Variants in NCBP2 observed in about 807,000 individuals in gnomAD.
The protein encoded by NCBP2 is nuclear cap binding protein subunit 2, also known as nuclear cap-binding protein subunit 2.
In NCBP2, 8 loss-of-function variants were observed where a neutral mutation model predicts 21.5. The ratio of observed to expected loss-of-function variants is 0.37; its 90% confidence interval spans 0.22 to 0.67. The LOEUF is 0.67. Among genes scored for constraint, NCBP2 ranks in the 30% least tolerant of loss-of-function variants. The probability of loss-of-function intolerance (pLI) is 0.56; values close to 1 mark genes in which losing one functional copy is unlikely to be tolerated. For missense variants in NCBP2, 127 were observed against 206.9 expected, an observed-to-expected ratio of 0.61 and a Z score of 2.37; for synonymous variants, 92 against 75.8, an observed-to-expected ratio of 1.21 and a Z score of -1.11.
chr3:196,936,764 A>G lies in NCBP2; in HGVS notation c.*247T>C. 1 of 560,766 alleles carries G rather than the reference A, an allele frequency of 1.8e-6. No homozygotes were observed. Among genetic ancestry groups the G allele is most frequent in the Non-Finnish European group, 3.2e-6 (1 of 312,822 alleles). 34.7% of individuals were successfully genotyped at this position (560,766 alleles called of 1,614,324 possible). ...AACATTACAGATCCAATCTGTTGTC[A>G]AAGAACACAATTTCTGACCTGGTAA... On this transcript the variant is annotated 3_prime_UTR_variant, in exon 4 of 4. Coordinates refer to ENST00000321256, the MANE Select transcript of NCBP2 (RefSeq NM_007362.5).
intron 2 of NCBP2, chr3:196,937,873 C>T (rs41292037): frequency 0.018 from 9,618 of 543,648 alleles, 133 homozygotes; most frequent in Non-Finnish European, 0.026. Context: ...CTTGGACATT[C>T]CTGTTGATAA....
intron 2 of NCBP2, 30 bp downstream of exon 2, chr3:196,939,221 G>A (rs1716412907): frequency 6.3e-7 from 1 of 1,596,382 alleles, no homozygotes. Flanking sequence ...CCCTGGTTCA[G>A]CAGCTACATT....
intron 1 of NCBP2, chr3:196,941,859 G>C: frequency 6.6e-7 from 1 of 1,504,606 alleles, no homozygotes; most frequent in Non-Finnish European, 8.9e-7. Context: ...AAAGTGCCGA[G>C]CTTGGCGGGT....
Position 196,942,467 on chromosome 3 carries a change from A to T in NCBP2, c.37T>A (p.Ser13Thr). ...CGGTACTGGCTCAGCTCCACGTAGGAGTCGCTGCGCAGCGCCTTCAGGAGG... is the reference window on the plus strand; with the variant it reads ...CGGTACTGGCTCAGCTCCACGTAGGTGTCGCTGCGCAGCGCCTTCAGGAGG... ...GGLLKALRSD[S>T]YVELSQYRDQ... Residue 13 changes from serine to threonine, a missense_variant, in exon 1 of 4, where the codon TCC becomes ACC. Transcript: ENST00000321256. The T allele has an allele frequency of 6.2e-7, 1 of 1,613,220 alleles. No individual in the cohort carries two copies. Among genetic ancestry groups the T allele is most frequent in the Non-Finnish European group, 8.5e-7 (1 of 1,179,924 alleles).
chr3:196,937,071 C>T lies in NCBP2; in HGVS notation c.411G>A (p.Glu137=). ...TCCCAGCATCGTAGTCCTGCCGATA[C>T]TCATCCCGAACCTTTAATGGAAAGA... is the stretch of plus-strand genomic sequence containing the variant. ...RGRSGGQVRD[E]YRQDYDAGRG... Residue 137 remains glutamate (E), a synonymous_variant, in exon 4 of 4, where the codon GAG becomes GAA. Coordinates refer to ENST00000321256, the MANE Select transcript of NCBP2 (RefSeq NM_007362.5). 6.2e-7 allele frequency: 1 copy of T among 1,614,168 alleles called. No individual in the cohort carries two copies.
chr3:196,941,857 G>A (rs1202869071), intron 1 of NCBP2: 3 of 1,502,200 alleles, frequency 2.0e-6, no homozygotes, highest in East Asian at 2.5e-5. Flanking sequence ...TCAAAGTGCC[G>A]AGCTTGGCGG....
chr3:196,937,286 G>T, intron 3 of NCBP2: 1 of 774,256 alleles, frequency 1.3e-6, no homozygotes, highest in Non-Finnish European at 2.1e-6. Flanking sequence ...CCTAGCCCTA[G>T]CAGAAGTTCA....
chr3:196,941,922 G>C, intron 1 of NCBP2: 2 of 1,536,234 alleles, frequency 1.3e-6, no homozygotes, highest in Non-Finnish European at 1.7e-6. Context: ...CTCCACTTGT[G>C]TCTCCCACGC....
chr3:196,942,393 G>T (rs1425963656), intron 1 of NCBP2, 33 bp downstream of exon 1: 3 of 1,606,444 alleles, frequency 1.9e-6, no homozygotes, highest in Non-Finnish European at 2.5e-6. Flanking sequence ...TCTTGCCCAG[G>T]GCCTTCCCGT....
rs1055591847 is a variant in NCBP2, at chr3:196,942,212, G to T, written c.78+214C>A. On this transcript the variant is annotated intron_variant, in intron 1 of 3. Coordinates refer to ENST00000321256, the MANE Select transcript of NCBP2 (RefSeq NM_007362.5). ...GCGGCTGCGAGCGAATGGGATAAGC[G>T]AGCCTCCAGTTCCCCGTCTTCCAGA... is the stretch of plus-strand genomic sequence containing the variant. The T allele has an allele frequency of 3.2e-5, 46 of 1,459,370 alleles. No individual in the cohort carries two copies. The Admixed American group carries it at 9.5e-4, about 30-fold the overall frequency. The allele number at this position is 1,459,370 out of a possible 1,614,324, so 90.4% of individuals were successfully genotyped here.
chr3:196,942,313 C>T, intron 1 of NCBP2, 113 bp downstream of exon 1: 2 of 1,532,450 alleles, frequency 1.3e-6, no homozygotes, highest in Non-Finnish European at 1.8e-6. Flanking sequence ...CGGGGCCCCA[C>T]TTGGCGTTTG....
chr3:196,938,794 A>G (rs548942901), intron 2 of NCBP2: 22 of 153,402 alleles, frequency 1.4e-4, no homozygotes, highest in African/African-American at 5.3e-4. Context: ...CCAGCTGTAC[A>G]GCTATTTTAA....
intron 1 of NCBP2, chr3:196,941,964 C>T: frequency 2.6e-6 from 4 of 1,536,368 alleles, no homozygotes; most frequent in Non-Finnish European, 2.6e-6. Context: ...ACCATCCTCC[C>T]AGAGAAGGGG....
rs1450040685 is a variant in NCBP2, at chr3:196,935,458, AC to A, written c.*1552del. Reference sequence around the variant, plus strand: ...TATTACAGAAGACAATCCGAATAAAACCACTGTCTCCTGTAGAAATCTGAGT... The same window carrying A: ...TATTACAGAAGACAATCCGAATAAAACACTGTCTCCTGTAGAAATCTGAGT... On this transcript the variant is annotated 3_prime_UTR_variant, in exon 4 of 4. Coordinates refer to ENST00000321256, the MANE Select transcript of NCBP2 (RefSeq NM_007362.5). The A allele has an allele frequency of 2.0e-5, 3 of 152,212 alleles. No homozygotes were observed. The highest frequency in any genetic ancestry group is 7.2e-5 in the African/African-American group (3 of 41,464). 9.4% of individuals were successfully genotyped at this position (152,212 alleles called of 1,614,324 possible).
chr3:196,937,930 C>T (rs765162756), intron 2 of NCBP2: 10 of 390,848 alleles, frequency 2.6e-5, no homozygotes, highest in Non-Finnish European at 4.8e-5. Flanking sequence ...GTTTAGATCA[C>T]TGTACACTTC....
chr3:196,940,627 C>T (rs1026239181), intron 1 of NCBP2, among the ~76,000 whole-genome samples: 5 of 152,142 alleles, frequency 3.3e-5, no homozygotes, highest in Non-Finnish European at 7.3e-5. Context: ...TCACAGAATG[C>T]TAGAAATTCC....
At chr3:196,937,476 G>C (rs757750741) in intron 3 of NCBP2, 34 bp downstream of exon 3, 2 of 1,609,774 alleles carry the variant, frequency 1.2e-6, no homozygotes, top group South Asian at 2.2e-5. Flanking sequence ...GGAATCCCAG[G>C]CAATGGCTGA....
intron 1 of NCBP2, 146 bp from the exon 2 acceptor site, chr3:196,939,578 GGGGGA>G: frequency 1.5e-6 from 1 of 687,776 alleles, no homozygotes; most frequent in East Asian, 2.7e-5. Context: ...TGCCCAAAAA[GGGGGA>G]TGTCGACCTT....
intron 2 of NCBP2, chr3:196,938,577 C>A (rs1257405015): frequency 1.3e-5 from 2 of 152,112 alleles, no homozygotes; most frequent in Admixed American, 6.5e-5. Flanking sequence ...TTGGTTTGTA[C>A]CTATACAGTC....
Sources: allele counts gnomAD v4.1 joint callset (sites outside exome capture counted in the v4.1 genomes callset), GRCh38; gene constraint gnomAD v4.1.1; transcripts MANE v1.5; gene names NCBI Gene and HGNC (gene_info 2026-07-23, HGNC 2026-07-21).